The following GRIN3A variants were observed in gnomAD, a reference collection of about 807,000 sequenced individuals.
GRIN3A encodes glutamate receptor ionotropic, NMDA 3A.
Under a neutral mutation model 92.4 loss-of-function variants are expected in GRIN3A, and 47 were observed. The observed-to-expected ratio is 0.51, with a 90% CI of 0.40 to 0.65. GRIN3A has a LOEUF of 0.65. Among genes scored for constraint, GRIN3A ranks in the 30% least tolerant of loss-of-function variants. GRIN3A has a pLI of 0.00. For missense variants in GRIN3A, 1,324 were observed against 1,393.1 expected (o/e 0.95, Z 0.79); for synonymous variants, 527 against 540.6 (o/e 0.97, Z 0.35).
At chr9:101,686,516 T>G in intron 2 of GRIN3A, 80 bp downstream of exon 2, 3 of 1,512,078 alleles carry the variant, frequency 2.0e-6, no homozygotes, top group Non-Finnish European at 2.8e-6. Context: ...TCAAGATTTC[T>G]GCAAAGCGGA....
In GRIN3A at chr9:101,579,183, C is replaced by A; in HGVS notation, c.2931+13G>T. 1 of 1,613,442 alleles carries A rather than the reference C, an allele frequency of 6.2e-7. No individual in the cohort carries two copies. The highest frequency in any genetic ancestry group is 8.5e-7 in the Non-Finnish European group (1 of 1,179,650). ...GTTTAAGAATATTGGAGCAAGACAC[C>A]TGTGGCACTCACCTGGCTGGTGTGG... is the stretch of plus-strand genomic sequence containing the variant. On this transcript the variant is annotated intron_variant, in intron 7 of 8. Coordinates refer to ENST00000361820, the MANE Select transcript of GRIN3A (RefSeq NM_133445.3).
At chr9:101,657,293 A>G (rs1192731292) in intron 3 of GRIN3A, among the ~76,000 whole-genome samples, 3 of 151,974 alleles carry the variant, frequency 2.0e-5, no homozygotes, top group African/African-American at 4.8e-5. Context: ...GAATTTTATT[A>G]TAGATTCATA....
At chr9:101,654,046 T>C (rs1238729378) in intron 3 of GRIN3A, among the ~76,000 whole-genome samples, 1 of 151,882 alleles carries the variant, frequency 6.6e-6, no homozygotes, top group Non-Finnish European at 1.5e-5. Context: ...CTTTAGCAGG[T>C]AAATATTTCA....
intron 6 of GRIN3A, among the ~76,000 whole-genome samples, chr9:101,585,634 C>T (rs906273937): frequency 2.0e-5 from 3 of 152,186 alleles, no homozygotes; most frequent in Non-Finnish European, 4.4e-5. Flanking sequence ...TCCCATTACC[C>T]TGTGTATCTG....
At chr9:101,581,387 G>C (rs752547301) in intron 6 of GRIN3A, among the ~76,000 whole-genome samples, 2 of 152,204 alleles carry the variant, frequency 1.3e-5, no homozygotes, top group Non-Finnish European at 2.9e-5. Flanking sequence ...GCCATAGTTT[G>C]AATGTATATG....
intron 6 of GRIN3A, 42 bp downstream of exon 6, chr9:101,613,334 C>G (rs748218335): frequency 6.2e-7 from 1 of 1,604,582 alleles, no homozygotes; most frequent in Non-Finnish European, 8.5e-7. Flanking sequence ...CTCTGAGGTA[C>G]AGCTATACAA....
intron 1 of GRIN3A, among the ~76,000 whole-genome samples, chr9:101,728,321 A>G (rs1020592199): frequency 3.3e-5 from 5 of 152,124 alleles, no homozygotes; most frequent in Non-Finnish European, 5.9e-5. Context: ...TACTGCCCCA[A>G]ATGTTCAGTA....
chr9:101,594,493 A>G (rs770358010), intron 6 of GRIN3A: 2 of 1,614,212 alleles, frequency 1.2e-6, no homozygotes, highest in Non-Finnish European at 1.7e-6. Context: ...TCCCATCGCC[A>G]TCCTTGTCCA....
rs543201702 is a variant in GRIN3A at position 101,628,632 on chromosome 9, A to AT, written c.2353-232dup. On this transcript the variant is annotated intron_variant, in intron 3 of 8. Coordinates refer to ENST00000361820, the MANE Select transcript of GRIN3A (RefSeq NM_133445.3). ...AACGACAAACAAAAAATACAAAACA[A>AT]TTTTTTTTGCTTTATATTGGAACCT... 1.1e-4 allele frequency among the ~76,000 whole-genome samples: 17 copies of AT among 151,960 alleles called. No homozygotes were observed. The East Asian group carries it at 1.9e-3, about 17-fold the overall frequency.
chr9:101,701,598 G>T (rs1829754747), intron 1 of GRIN3A, among the ~76,000 whole-genome samples: 1 of 152,088 alleles, frequency 6.6e-6, no homozygotes, highest in Non-Finnish European at 1.5e-5. Context: ...CAAACAAACA[G>T]ACAAAAAACC....
chr9:101,683,875 AGAGAGC>A (rs766582341), intron 2 of GRIN3A, among the ~76,000 whole-genome samples: 18 of 119,730 alleles, frequency 1.5e-4, no homozygotes, highest in African/African-American at 4.0e-4. Context: ...AGAGAGAGAG[AGAGAGC>A]GAGAGAGAAA....
At chr9:101,708,954 G>C (rs1829843251) in intron 1 of GRIN3A, among the ~76,000 whole-genome samples, 1 of 152,150 alleles carries the variant, frequency 6.6e-6, no homozygotes, top group Non-Finnish European at 1.5e-5. Context: ...TCTTGTAAAT[G>C]TTTTCAGAAA....
chr9:101,642,768 G>A (rs572876112), intron 3 of GRIN3A, among the ~76,000 whole-genome samples: 13 of 152,224 alleles, frequency 8.5e-5, no homozygotes, highest in South Asian at 2.1e-4. Flanking sequence ...TTAGGAGCAT[G>A]AACCCTATTG....
chr9:101,676,693 G>A, intron 2 of GRIN3A, among the ~76,000 whole-genome samples: 1 of 151,892 alleles, frequency 6.6e-6, no homozygotes, highest in East Asian at 1.9e-4. Context: ...GGTTTACTGA[G>A]TTTACTTGTC....
intron 2 of GRIN3A, among the ~76,000 whole-genome samples, chr9:101,681,098 C>G (rs1381055458): frequency 1.3e-5 from 2 of 152,100 alleles, no homozygotes; most frequent in African/African-American, 4.8e-5. Flanking sequence ...AATTTATTAG[C>G]ACTTAGGGCC....
intron 6 of GRIN3A, among the ~76,000 whole-genome samples, chr9:101,610,680 A>G (rs1172209400): frequency 2.6e-5 from 4 of 152,196 alleles, no homozygotes; most frequent in East Asian, 1.9e-4. Flanking sequence ...ATCTATCTGT[A>G]TTAGTTCCCT....
In GRIN3A at chr9:101,579,321, CAA is replaced by C; in HGVS notation, c.2804_2805del (p.Phe935CysfsTer17). ...AGACCAAATCCAATGCACAGCAGCA[CAA>C]AGAGCCCAGAGAAGTGTTTGATGCC... ...QMGIKHFSGL[F>X]VLLCIGFGLS... On this transcript the variant is annotated frameshift_variant, in exon 7 of 9. Transcript: ENST00000361820. LOFTEE classifies it high-confidence loss of function. 6.2e-7 allele frequency: 1 copy of C among 1,613,932 alleles called. No homozygotes were observed. The highest frequency in any genetic ancestry group is 8.5e-7 in the Non-Finnish European group (1 of 1,179,910).
chr9:101,671,688 A>G (rs1025057027), intron 2 of GRIN3A, among the ~76,000 whole-genome samples: 1 of 152,182 alleles, frequency 6.6e-6, no homozygotes, highest in Admixed American at 6.6e-5. Context: ...ATCAGTTAAC[A>G]TAACTGTCCC....
At chr9:101,732,787 T>C (rs2119046758) in intron 1 of GRIN3A, among the ~76,000 whole-genome samples, 1 of 152,324 alleles carries the variant, frequency 6.6e-6, no homozygotes, top group South Asian at 2.1e-4. Flanking sequence ...TTTTCCAAAG[T>C]ACTTTTACTT....
Sources: allele counts gnomAD v4.1 joint callset (sites outside exome capture counted in the v4.1 genomes callset), GRCh38; gene constraint gnomAD v4.1.1; transcripts MANE v1.5; gene names NCBI Gene and HGNC (gene_info 2026-07-23, HGNC 2026-07-21).